Variants in FHIT observed in about 807,000 individuals in gnomAD.
FHIT encodes bis(5'-adenosyl)-triphosphatase.
FHIT carries 19 observed loss-of-function variants against 17.9 expected under a neutral mutation model. That is an observed-to-expected ratio of 1.06 (90% CI 0.74 to 1.56). The LOEUF (loss-of-function observed/expected upper bound fraction) is 1.56, where lower values mean the gene tolerates loss of function less well. FHIT is among the 40% of genes most tolerant of loss of function. The pLI is 0.00. For synonymous variants in FHIT, 81 were observed against 69.7 expected (o/e 1.16, Z -0.81); for missense variants, 248 against 189.2 (o/e 1.31, Z -1.82).
intron 5 of FHIT, among the ~76,000 whole-genome samples, chr3:60,112,536 T>C (rs1164271067): frequency 1.3e-5 from 2 of 152,198 alleles, no homozygotes; most frequent in African/African-American, 4.8e-5. Flanking sequence ...CAGCTACGTT[T>C]ACCAGCAGAA....
At chr3:61,226,703 G>C (rs1414005105) in intron 1 of FHIT, among the ~76,000 whole-genome samples, 1 of 152,208 alleles carries the variant, frequency 6.6e-6, no homozygotes, top group African/African-American at 2.4e-5. Flanking sequence ...GAAAGAGAGA[G>C]AGAAAGAGAA....
chr3:60,951,108 G>C (rs1266263605), intron 3 of FHIT, among the ~76,000 whole-genome samples: 1 of 151,974 alleles, frequency 6.6e-6, no homozygotes, highest in Non-Finnish European at 1.5e-5. Context: ...TTCTGTTTTT[G>C]TTTTTTGCTT....
At chr3:59,964,428 G>A (rs1707828291) in intron 7 of FHIT, among the ~76,000 whole-genome samples, 1 of 152,018 alleles carries the variant, frequency 6.6e-6, no homozygotes, top group African/African-American at 2.4e-5. Flanking sequence ...AAAGTACATT[G>A]ACATCCATTA....
intron 4 of FHIT, among the ~76,000 whole-genome samples, chr3:60,678,955 G>A (rs1553696106): frequency 3.1e-5 from 3 of 96,046 alleles, no homozygotes; most frequent in African/African-American, 1.0e-4. Flanking sequence ...ACTGTTTTGA[G>A]TCCTTAAAAA....
chr3:60,108,509 T>C (rs746332366), intron 5 of FHIT, among the ~76,000 whole-genome samples: 9 of 152,124 alleles, frequency 5.9e-5, no homozygotes, highest in Non-Finnish European at 1.2e-4. Context: ...CTGTGTAAAC[T>C]CTTTTGGATG....
chr3:60,548,876 T>C (rs773616394), intron 4 of FHIT, among the ~76,000 whole-genome samples: 1 of 152,224 alleles, frequency 6.6e-6, no homozygotes, highest in Non-Finnish European at 1.5e-5. Flanking sequence ...TCCAACAATC[T>C]CTGCAACAAT....
chr3:60,799,181 T>G (rs1553731440), intron 4 of FHIT, among the ~76,000 whole-genome samples: 1 of 152,096 alleles, frequency 6.6e-6, no homozygotes, highest in African/African-American at 2.4e-5. Context: ...ATGATTAGTA[T>G]TATTATTTTT....
At chr3:61,157,820 T>A (rs1333850924) in intron 2 of FHIT, among the ~76,000 whole-genome samples, 1 of 152,182 alleles carries the variant, frequency 6.6e-6, no homozygotes, top group Non-Finnish European at 1.5e-5. Flanking sequence ...ACTAAATGGC[T>A]ATTGATAGGA....
chr3:60,238,447 CAAA>C (rs374701930), intron 5 of FHIT, among the ~76,000 whole-genome samples: 4 of 117,546 alleles, frequency 3.4e-5, no homozygotes, highest in African/African-American at 6.5e-5. Context: ...CTGTACTAAG[CAAA>C]AAAAAAAAAA....
At chr3:60,544,662 T>C (rs915390850) in intron 4 of FHIT, among the ~76,000 whole-genome samples, 7 of 147,350 alleles carry the variant, frequency 4.8e-5, no homozygotes, top group African/African-American at 1.5e-4. Context: ...AGTGGCACGA[T>C]CTGGGCTCAC....
chr3:60,860,103 C>A lies in FHIT; in HGVS notation c.-110-38092G>T, dbSNP rs964059376. ...GATATATGATATATATATGATATAT[C>A]TGATATATGATATATAAATGATATA... On this transcript the variant is annotated intron_variant, in intron 3 of 9. Transcript: ENST00000492590. 3.8e-4 allele frequency among the ~76,000 whole-genome samples: 56 copies of A among 146,888 alleles called. 7 individuals carry two copies. The highest frequency in any genetic ancestry group is 1.3e-3 in the African/African-American group (53 of 40,206).
intron 8 of FHIT, among the ~76,000 whole-genome samples, chr3:59,842,151 C>A (rs1701557636): frequency 6.6e-6 from 1 of 152,158 alleles, no homozygotes; most frequent in South Asian, 2.1e-4. Flanking sequence ...TAAGTGGAAT[C>A]ATACAGTATT....
chr3:61,100,910 TG>T (rs773221100), intron 2 of FHIT, among the ~76,000 whole-genome samples: 21 of 152,194 alleles, frequency 1.4e-4, no homozygotes, highest in Non-Finnish European at 2.8e-4. Context: ...TGGGTTTGTT[TG>T]GCTTTTCCTG....
At chr3:60,990,348 G>A (rs571179240) in intron 3 of FHIT, among the ~76,000 whole-genome samples, 9 of 152,268 alleles carry the variant, frequency 5.9e-5, no homozygotes, top group Non-Finnish European at 8.8e-5. Context: ...GGAGCAGCTC[G>A]TTACTAAAGA....
At chr3:60,903,939 T>A (rs982901089) in intron 3 of FHIT, among the ~76,000 whole-genome samples, 2 of 152,166 alleles carry the variant, frequency 1.3e-5, no homozygotes, top group South Asian at 4.1e-4. Context: ...GAAACAAGAA[T>A]GAAAAAGACA....
At chr3:61,174,052 G>A (rs1418387210) in intron 2 of FHIT, among the ~76,000 whole-genome samples, 2 of 152,214 alleles carry the variant, frequency 1.3e-5, no homozygotes, top group East Asian at 1.9e-4. Context: ...TCATATTAAG[G>A]GGAGTGTGGG....
intron 1 of FHIT, among the ~76,000 whole-genome samples, chr3:61,202,577 G>A (rs1306392821): frequency 6.6e-6 from 1 of 151,004 alleles, no homozygotes; most frequent in African/African-American, 2.4e-5. Flanking sequence ...TAGAATGAAA[G>A]ACATGAGTCC....
At chr3:60,820,575 T>C (rs1213512951) in intron 4 of FHIT, among the ~76,000 whole-genome samples, 1 of 152,160 alleles carries the variant, frequency 6.6e-6, no homozygotes, top group East Asian at 1.9e-4. Context: ...GTTCTACAAC[T>C]CTAGGGGCAA....
At chr3:60,297,158 T>A (rs1708249658) in intron 5 of FHIT, among the ~76,000 whole-genome samples, 1 of 152,100 alleles carries the variant, frequency 6.6e-6, no homozygotes, top group Admixed American at 6.6e-5. Context: ...TTCAGGATAA[T>A]CTTGTCTATA....
Sources: allele counts gnomAD v4.1 joint callset (sites outside exome capture counted in the v4.1 genomes callset), GRCh38; gene constraint gnomAD v4.1.1; transcripts MANE v1.5; gene names NCBI Gene and HGNC (gene_info 2026-07-23, HGNC 2026-07-21).